The following ZNF681 variants were observed in gnomAD, a reference collection of about 807,000 sequenced individuals.
The protein encoded by ZNF681 is hypothetical protein FLJ31526.
ZNF681 carries 37 observed loss-of-function variants against 56.0 expected under a neutral mutation model. That is an observed-to-expected ratio of 0.66 (90% confidence interval 0.51 to 0.87). The LOEUF (loss-of-function observed/expected upper bound fraction) is 0.87, where lower values mean the gene tolerates loss of function less well. Ranked by LOEUF, ZNF681 falls within the 40% of genes least tolerant of loss-of-function variation. ZNF681 has a pLI of 0.00. For synonymous variants in ZNF681, 225 were observed against 248.6 expected (o/e 0.91, Z 0.89); for missense variants, 741 against 744.9 (o/e 0.99, Z 0.06).
At position 23,741,782 on chromosome 19, in the gene ZNF681, G is replaced by A. The variant is rs185693216; in HGVS notation, c.*1830C>T. 27 of 151,690 alleles carry A rather than the reference G, an allele frequency of 1.8e-4. No individual in the cohort carries two copies. The East Asian group carries it at 3.7e-3, about 21-fold the overall frequency. The allele number at this position is 151,690 out of a possible 1,614,324, so 9.4% of individuals were successfully genotyped here. A position where few individuals can be genotyped will look rare whatever the true frequency, so the allele number is the denominator to read the frequency against. On this transcript the variant is annotated 3_prime_UTR_variant, in exon 4 of 4. Transcript: ENST00000402377. ...ACAAATACAAACAATAAATGCTGCA[G>A]GTAATGAATATTTCATTTACCCATA...
At chr19:23,747,091 A>C (rs1968954839) in intron 3 of ZNF681, among the ~76,000 whole-genome samples, 1 of 152,164 alleles carries the variant, frequency 6.6e-6, no homozygotes, top group Non-Finnish European at 1.5e-5. Context: ...CCTGGGTAAC[A>C]GAAAGAGATC....
chr19:23,756,713 T>TGA (rs571382003), intron 1 of ZNF681, among the ~76,000 whole-genome samples: 1,598 of 151,994 alleles, frequency 0.011, 12 homozygotes, highest in Non-Finnish European at 0.015. Flanking sequence ...AAAACCTAGG[T>TGA]GATGGGTTGA....
chr19:23,743,623 C>A lies in ZNF681; in HGVS notation c.1927G>T (p.Glu643Ter), dbSNP rs529690628. 39 of 1,492,858 alleles carry A rather than the reference C, an allele frequency of 2.6e-5. No homozygotes were observed. The Middle Eastern group carries it at 8.8e-4, about 34-fold the overall frequency. 92.5% of individuals were successfully genotyped at this position (1,492,858 alleles called of 1,614,324 possible). Residue 643 changes from glutamate to a stop codon, truncating the protein, a stop_gained, in exon 4 of 4, where the codon GAG becomes TAG. Transcript: ENST00000402377. LOFTEE classifies it high-confidence loss of function. ...FSKHKRNYAG[E>*]KS is the part of the protein sequence containing the mutation. ...CATTCTTCACATTTCTAAGATTTCT[C>A]ACCAGCATAATTTCTTTTATGTTTA...
Position 23,758,511 on chromosome 19 carries a change from C to T in ZNF681, c.3+236G>A, listed in dbSNP as rs1211724281. The stretch of plus-strand genomic sequence containing the variant: ...ACAATCTGGGAGAGACCCGGCGCTG[C>T]GGATGCAGAGCCACCCAGAGAGAGC... On this transcript the variant is annotated intron_variant, in intron 1 of 3. Coordinates refer to ENST00000402377, the MANE Select transcript of ZNF681 (RefSeq NM_138286.3). 2.6e-5 allele frequency among the ~76,000 whole-genome samples: 4 copies of T among 152,310 alleles called. No individual in the cohort carries two copies. The East Asian group carries it at 5.8e-4, about 22-fold the overall frequency.
chr19:23,757,296 A>G (rs2144857055), intron 1 of ZNF681, among the ~76,000 whole-genome samples: 1 of 152,314 alleles, frequency 6.6e-6, no homozygotes, highest in Middle Eastern at 3.4e-3. Context: ...TTTAATTTTT[A>G]TAACACCCTG....
chr19:23,754,492 C>CCT (rs10681415), intron 3 of ZNF681, among the ~76,000 whole-genome samples: 148,860 of 152,146 alleles, frequency 0.98, 72,918 homozygotes, highest in Middle Eastern at 1. Context: ...ATAGTGAAAC[C>CCT]GTCTCTACTA....
intron 1 of ZNF681, among the ~76,000 whole-genome samples, chr19:23,757,717 G>C (rs1251480323): frequency 2.6e-5 from 4 of 152,084 alleles, no homozygotes; most frequent in Admixed American, 2.6e-4. Context: ...CAAGACTTAA[G>C]GGTAGGGCCA....
intron 3 of ZNF681, 52 bp downstream of exon 3, chr19:23,754,771 T>A: frequency 6.9e-7 from 1 of 1,452,272 alleles, no homozygotes. Flanking sequence ...TTCTTTGACC[T>A]TTGAACCGCT....
In ZNF681 at chr19:23,758,529, G is replaced by C. The variant is rs552471856; in HGVS notation, c.3+218C>G. Among the ~76,000 whole-genome samples, 4 of 152,334 alleles carry C rather than the reference G, an allele frequency of 2.6e-5. No individual in the cohort carries two copies. In the East Asian group the frequency reaches 5.8e-4, roughly 22 times the overall value. On this transcript the variant is annotated intron_variant, in intron 1 of 3. Coordinates refer to ENST00000402377, the MANE Select transcript of ZNF681 (RefSeq NM_138286.3). ...GGCGCTGCGGATGCAGAGCCACCCAGAGAGAGCTGCAGGCCAGGACACAGT... is the reference window on the plus strand; with the variant it reads ...GGCGCTGCGGATGCAGAGCCACCCACAGAGAGCTGCAGGCCAGGACACAGT...
intron 1 of ZNF681, among the ~76,000 whole-genome samples, chr19:23,756,381 G>C (rs748223488): frequency 5.9e-5 from 9 of 151,646 alleles, no homozygotes; most frequent in Non-Finnish European, 1.2e-4. Flanking sequence ...CAAAGATATG[G>C]AACCAACCTA....
chr19:23,743,809 T>C lies in ZNF681; in HGVS notation c.1741A>G (p.Lys581Glu), dbSNP rs753697328. The C allele has an allele frequency of 1.2e-6, 2 of 1,613,468 alleles. No homozygotes were observed. Among genetic ancestry groups the C allele is most frequent in the Non-Finnish European group, 1.7e-6 (2 of 1,179,782 alleles). ...FNQSSHLTRH[K>E]RIHTGEKPYQ... ...GGTTTCTCTCCAGTATGAATTCTCTTATGTCTAGTAAGGTGTGAGGACTGG... is the reference window on the plus strand; with the variant it reads ...GGTTTCTCTCCAGTATGAATTCTCTCATGTCTAGTAAGGTGTGAGGACTGG... Residue 581 changes from lysine (K) to glutamate (E), a missense_variant, in exon 4 of 4, where the codon AAG becomes GAG. Transcript: ENST00000402377.
intron 1 of ZNF681, 107 bp from the exon 2 acceptor site, chr19:23,755,658 A>T: frequency 7.8e-7 from 1 of 1,285,596 alleles, no homozygotes. Flanking sequence ...GTAAAATAAG[A>T]AAGTGAAGAG....
chr19:23,750,451 A>G (rs112860221), intron 3 of ZNF681, among the ~76,000 whole-genome samples: 104 of 152,282 alleles, frequency 6.8e-4, no homozygotes, highest in African/African-American at 2.5e-3. Context: ...CATTGACTTA[A>G]AGTGTACAAA....
At chr19:23,757,222 A>G (rs1363547653) in intron 1 of ZNF681, among the ~76,000 whole-genome samples, 3 of 152,090 alleles carry the variant, frequency 2.0e-5, no homozygotes, top group African/African-American at 7.2e-5. Context: ...CTGAGATACA[A>G]CAAAAAGAAA....
chr19:23,750,850 G>A (rs1157177325), intron 3 of ZNF681, among the ~76,000 whole-genome samples: 7 of 139,176 alleles, frequency 5.0e-5, no homozygotes, highest in African/African-American at 8.0e-5. Context: ...ACACCCAGGC[G>A]CAGTGGCTCA....
At chr19:23,758,715 C>G (rs748294489) in intron 1 of ZNF681, 32 bp downstream of exon 1, 1 of 1,614,200 alleles carries the variant, frequency 6.2e-7, no homozygotes, top group Non-Finnish European at 8.5e-7. Flanking sequence ...GCCCCTTCCC[C>G]TCTCTCGGGA....
In ZNF681 at chr19:23,746,331, AAG is replaced by A. The variant is rs1167983057; in HGVS notation, c.227-1010_227-1009del. ...TATGTCTCAAAAACAAAAAAAAAAA[AAG>A]AAAAAGGAGAAAGTTTATTTGGTAC... is the stretch of plus-strand genomic sequence containing the variant. On this transcript the variant is annotated intron_variant, in intron 3 of 3. Transcript: ENST00000402377. Among the ~76,000 whole-genome samples, 8 of 124,058 alleles carry A rather than the reference AAG, an allele frequency of 6.4e-5. No individual in the cohort carries two copies. In the East Asian group the frequency reaches 1.9e-3, roughly 30 times the overall value. 81.4% of individuals were successfully genotyped at this position (124,058 alleles called of 152,430 possible). A position where few individuals can be genotyped will look rare whatever the true frequency, so the allele number is the denominator to read the frequency against.
intron 3 of ZNF681, among the ~76,000 whole-genome samples, chr19:23,751,274 C>T (rs1301672193): frequency 6.6e-6 from 1 of 151,686 alleles, no homozygotes; most frequent in African/African-American, 2.4e-5. Flanking sequence ...GTTGGGAGTT[C>T]AAGGCCAGCC....
chr19:23,754,985 G>GT (rs1232144607), intron 2 of ZNF681, 67 bp from the exon 3 acceptor site: 26 of 1,222,350 alleles, frequency 2.1e-5, no homozygotes, highest in Non-Finnish European at 3.1e-5. Context: ...TGGCAATGTA[G>GT]TCAGTAAAGA....
Sources: allele counts gnomAD v4.1 joint callset (sites outside exome capture counted in the v4.1 genomes callset), GRCh38; gene constraint gnomAD v4.1.1; transcripts MANE v1.5; gene names NCBI Gene and HGNC (gene_info 2026-07-23, HGNC 2026-07-21).